EFCAB13: variants seen among roughly 807,000 people sequenced by gnomAD.
The protein encoded by EFCAB13 is EF-hand calcium binding domain 13, also known as EF-hand calcium-binding domain-containing protein 13.
EFCAB13 carries 91 observed loss-of-function variants against 110.2 expected under a neutral mutation model. That is an observed-to-expected ratio of 0.83 (90% confidence interval 0.70 to 0.98). The LOEUF is 0.98. Among genes scored for constraint, EFCAB13 ranks in the 50% least tolerant of loss-of-function variants. The pLI is 0.00. For missense variants in EFCAB13, 968 were observed against 1,119.4 expected, an observed-to-expected ratio of 0.86 and a Z score of 1.93; for synonymous variants, 323 against 369.9, an observed-to-expected ratio of 0.87 and a Z score of 1.45.
intron 9 of EFCAB13, among the ~76,000 whole-genome samples, chr17:47,349,672 G>A (rs1382885033): frequency 8.8e-5 from 13 of 148,426 alleles, no homozygotes; most frequent in Admixed American, 8.7e-4. Flanking sequence ...TGCTGATGGA[G>A]TTTTTTTCAC....
chr17:47,344,975 A>G (rs1446844899), intron 7 of EFCAB13, 41 bp from the exon 8 acceptor site: 1 of 1,474,556 alleles, frequency 6.8e-7, no homozygotes, highest in Non-Finnish European at 9.4e-7. Flanking sequence ...GAATTTGCAT[A>G]TTTTCATTGC....
intron 10 of EFCAB13, among the ~76,000 whole-genome samples, chr17:47,367,321 G>C (rs940842360): frequency 1.3e-5 from 2 of 152,200 alleles, no homozygotes; most frequent in African/African-American, 4.8e-5. Context: ...GAATCAGAGT[G>C]AATCAGGTGG....
chr17:47,402,356 C>G (rs1352627475), intron 18 of EFCAB13, among the ~76,000 whole-genome samples, 153 bp downstream of exon 18: 1 of 152,210 alleles, frequency 6.6e-6, no homozygotes, highest in Non-Finnish European at 1.5e-5. Flanking sequence ...TTTGATTAAA[C>G]ATTGGCTGGC....
chr17:47,348,703 T>A (rs2143279504), intron 9 of EFCAB13, among the ~76,000 whole-genome samples: 1 of 152,216 alleles, frequency 6.6e-6, no homozygotes, highest in East Asian at 1.9e-4. Flanking sequence ...GATTAAATAA[T>A]GTTGAATATC....
At chr17:47,396,520 A>G (rs982286310) in intron 17 of EFCAB13, among the ~76,000 whole-genome samples, 2 of 152,220 alleles carry the variant, frequency 1.3e-5, no homozygotes, top group African/African-American at 2.4e-5. Context: ...TACTGCTCAT[A>G]TTCTACATGC....
chr17:47,432,623 C>T (rs1355967974), intron 24 of EFCAB13, among the ~76,000 whole-genome samples: 2 of 152,008 alleles, frequency 1.3e-5, no homozygotes, highest in Non-Finnish European at 2.9e-5. Context: ...ATTAATAGAA[C>T]ATTTCATTAT....
intron 9 of EFCAB13, among the ~76,000 whole-genome samples, chr17:47,358,268 G>A (rs2065492097): frequency 6.6e-6 from 1 of 152,056 alleles, no homozygotes; most frequent in South Asian, 2.1e-4. Flanking sequence ...AGGTCTCATA[G>A]AAACTAGTAA....
chr17:47,421,621 C>CAAAA (rs1452345334), intron 23 of EFCAB13, among the ~76,000 whole-genome samples: 1 of 31,638 alleles, frequency 3.2e-5, no homozygotes, highest in Non-Finnish European at 5.9e-5. Context: ...CAAGAATGAG[C>CAAAA]AATAAAAAAA....
intron 2 of EFCAB13, among the ~76,000 whole-genome samples, chr17:47,325,631 C>T (rs1428961316): frequency 6.6e-6 from 1 of 151,992 alleles, no homozygotes; most frequent in African/African-American, 2.4e-5. Flanking sequence ...TTTGTACTTA[C>T]TTTTCTTTCT....
At chr17:47,331,535 C>G (rs2065319589) in intron 4 of EFCAB13, among the ~76,000 whole-genome samples, 1 of 152,088 alleles carries the variant, frequency 6.6e-6, no homozygotes, top group Non-Finnish European at 1.5e-5. Flanking sequence ...CATCCTGTAC[C>G]AGAGTGGTAC....
chr17:47,362,924 A>C (rs1322769849), intron 10 of EFCAB13, among the ~76,000 whole-genome samples: 1 of 152,030 alleles, frequency 6.6e-6, no homozygotes, highest in African/African-American at 2.4e-5. Context: ...ATTCGGGGCC[A>C]CTACCAGTCT....
At chr17:47,419,038 T>C (rs1429505763) in intron 23 of EFCAB13, among the ~76,000 whole-genome samples, 1 of 152,194 alleles carries the variant, frequency 6.6e-6, no homozygotes, top group Non-Finnish European at 1.5e-5. Context: ...CCTGGTTCTA[T>C]CTGTATATGA....
At chr17:47,342,687 T>C (rs1049412668) in intron 6 of EFCAB13, among the ~76,000 whole-genome samples, 3 of 152,202 alleles carry the variant, frequency 2.0e-5, no homozygotes, top group Admixed American at 2.0e-4. Context: ...AATTCTAATA[T>C]GTTATCTTTT....
At chr17:47,428,593 A>G (rs538136875) in intron 23 of EFCAB13, among the ~76,000 whole-genome samples, 12 of 152,236 alleles carry the variant, frequency 7.9e-5, no homozygotes, top group African/African-American at 2.9e-4. Flanking sequence ...TAATATGCCC[A>G]TCGCCTTTAC....
intron 23 of EFCAB13, among the ~76,000 whole-genome samples, chr17:47,419,630 G>C (rs1040066173): frequency 6.6e-6 from 1 of 152,050 alleles, no homozygotes; most frequent in Non-Finnish European, 1.5e-5. Context: ...CTTTACAAAA[G>C]ATGTTTACAA....
intron 18 of EFCAB13, among the ~76,000 whole-genome samples, chr17:47,403,527 G>A (rs555572466): frequency 1.5e-3 from 224 of 152,238 alleles, no homozygotes; most frequent in African/African-American, 4.5e-3. Context: ...CATATTTTAC[G>A]TTTTTCATAA....
At position 47,390,203 on chromosome 17, in the gene EFCAB13, A is replaced by G. The variant is rs569003380; in HGVS notation, c.1583-1234A>G. 5.1e-4 allele frequency among the ~76,000 whole-genome samples: 77 copies of G among 152,154 alleles called. 2 individuals are homozygous for G. Among genetic ancestry groups the G allele is most frequent in the Middle Eastern group, 3.4e-3 (1 of 294 alleles). ...TGTGTGTGTATATGTGTGTATGTGT[A>G]TATATTGTGTGTGTTTGTATATTAT... On this transcript the variant is annotated intron_variant, in intron 14 of 24. Transcript: ENST00000331493.
At chr17:47,430,011 G>T in intron 24 of EFCAB13, 50 bp downstream of exon 24, 1 of 1,517,622 alleles carries the variant, frequency 6.6e-7, no homozygotes. Context: ...TCTACCACAG[G>T]GGTGGAAGGT....
chr17:47,374,323 T>C (rs1373851779), intron 11 of EFCAB13, 149 bp from the exon 12 acceptor site: 2 of 565,596 alleles, frequency 3.5e-6, no homozygotes, highest in African/African-American at 4.0e-5. Context: ...ATCTTTTGAC[T>C]GTCAGTTCTT....
Sources: gnomAD v4.1 joint callset for allele counts (sites outside exome capture counted in the v4.1 genomes callset) on GRCh38, gnomAD v4.1.1 for gene constraint, MANE v1.5 for transcripts, NCBI Gene and HGNC (gene_info 2026-07-23, HGNC 2026-07-21) for gene names.